The following TENM4 variants were observed in gnomAD, a reference collection of about 807,000 sequenced individuals.
The protein encoded by TENM4 is teneurin transmembrane protein 4.
Under a neutral mutation model 243.3 loss-of-function variants are expected in TENM4, and 82 were observed. The observed-to-expected ratio is 0.34, with a 90% CI of 0.28 to 0.40. The LOEUF (loss-of-function observed/expected upper bound fraction) is 0.40. Ranked by LOEUF, TENM4 falls within the 10% of genes least tolerant of loss-of-function variation. The pLI, the probability that TENM4 is intolerant of heterozygous loss-of-function variation, is 1.00. For synonymous variants in TENM4, 1,412 were observed against 1,456.3 expected, an observed-to-expected ratio of 0.97 and a Z score of 0.69; for missense variants, 3,138 against 3,673.3, an observed-to-expected ratio of 0.85 and a Z score of 3.77.
At chr11:79,211,426 T>A (rs1353400557) in intron 3 of TENM4, among the ~76,000 whole-genome samples, 1 of 152,182 alleles carries the variant, frequency 6.6e-6, no homozygotes, top group Non-Finnish European at 1.5e-5. Context: ...GCGCCAGGGA[T>A]CCCTGAGGGT....
At chr11:78,698,527 T>C (rs1859028553) in intron 28 of TENM4, among the ~76,000 whole-genome samples, 1 of 152,180 alleles carries the variant, frequency 6.6e-6, no homozygotes, top group African/African-American at 2.4e-5. Flanking sequence ...ATTTCGGTTA[T>C]AATCTACTAA....
intron 2 of TENM4, among the ~76,000 whole-genome samples, chr11:79,230,466 G>A (rs1864353558): frequency 6.6e-6 from 1 of 152,156 alleles, no homozygotes; most frequent in African/African-American, 2.4e-5. Flanking sequence ...AATTTGATAA[G>A]GCAGAAACAG....
intron 1 of TENM4, among the ~76,000 whole-genome samples, chr11:79,391,972 C>A (rs10466740): frequency 0.086 from 12,897 of 150,550 alleles, 608 homozygotes; most frequent in East Asian, 0.13. Flanking sequence ...AAAAAAAAAT[C>A]AATATATTAT....
chr11:79,308,809 C>G (rs1173988203), intron 1 of TENM4, among the ~76,000 whole-genome samples: 1 of 152,206 alleles, frequency 6.6e-6, no homozygotes, highest in Non-Finnish European at 1.5e-5. Flanking sequence ...TTTCACTTCT[C>G]TGGGCCTTAG....
At chr11:78,838,331 G>A (rs1858166605) in intron 12 of TENM4, among the ~76,000 whole-genome samples, 1 of 151,982 alleles carries the variant, frequency 6.6e-6, no homozygotes, top group Admixed American at 6.6e-5. Flanking sequence ...GGTCACTCAT[G>A]TTTACTGCAT....
intron 1 of TENM4, among the ~76,000 whole-genome samples, chr11:79,372,581 C>G (rs1461647237): frequency 6.6e-6 from 1 of 152,170 alleles, no homozygotes; most frequent in Non-Finnish European, 1.5e-5. Flanking sequence ...GGACTTGTAA[C>G]AGAATCTGGT....
At chr11:79,015,643 G>A (rs1353223942) in intron 6 of TENM4, among the ~76,000 whole-genome samples, 2 of 152,258 alleles carry the variant, frequency 1.3e-5, no homozygotes, top group Middle Eastern at 3.4e-3. Flanking sequence ...AGAGAAAGGC[G>A]AAAAACTAAT....
intron 2 of TENM4, among the ~76,000 whole-genome samples, chr11:79,223,700 C>T (rs1363908007): frequency 1.3e-5 from 2 of 152,192 alleles, no homozygotes; most frequent in Admixed American, 1.3e-4. Flanking sequence ...GTTTTTAACA[C>T]CCCACTGTCT....
chr11:79,341,510 A>G (rs1857241517), intron 1 of TENM4, among the ~76,000 whole-genome samples: 1 of 152,208 alleles, frequency 6.6e-6, no homozygotes, highest in African/African-American at 2.4e-5. Context: ...AACTTGACCC[A>G]AGAAAGTCAT....
intron 6 of TENM4, among the ~76,000 whole-genome samples, chr11:79,000,891 C>T (rs55839890): frequency 0.071 from 10,792 of 152,054 alleles, 456 homozygotes; most frequent in Admixed American, 0.14. Context: ...ATTAGCCAGG[C>T]CTGGTGGCAT....
In TENM4 at chr11:79,339,856, G is replaced by C. The variant is rs73512777; in HGVS notation, c.-320-42313C>G. ...AATCAGCCCTGTTGGGGGCACAGAG[G>C]GGACAGTGTGGGAAGCTGCCAAGCT... is the stretch of plus-strand genomic sequence containing the variant. On this transcript the variant is annotated intron_variant, in intron 1 of 33. Coordinates refer to ENST00000278550, the MANE Select transcript of TENM4 (RefSeq NM_001098816.3). 6.8e-3 allele frequency among the ~76,000 whole-genome samples: 1,031 copies of C among 152,254 alleles called. 16 individuals carry two copies. The highest frequency in any genetic ancestry group is 0.023 in the African/African-American group (950 of 41,550).
At chr11:78,905,671 AG>A (rs1856045121) in intron 6 of TENM4, among the ~76,000 whole-genome samples, 1 of 152,232 alleles carries the variant, frequency 6.6e-6, no homozygotes, top group Admixed American at 6.5e-5. Context: ...GTCCCCAGGA[AG>A]GTGACAGAAT....
chr11:78,831,002 C>T (rs1341961957), intron 12 of TENM4, among the ~76,000 whole-genome samples: 1 of 152,196 alleles, frequency 6.6e-6, no homozygotes, highest in Non-Finnish European at 1.5e-5. Flanking sequence ...ACCCATTAAA[C>T]TCATACATTA....
intron 11 of TENM4, 98 bp downstream of exon 11, chr11:78,855,866 C>CT (rs1169407994): frequency 8.4e-7 from 1 of 1,185,820 alleles, no homozygotes; most frequent in African/African-American, 1.5e-5. Context: ...ATAAATGTCC[C>CT]TTCAGGCTTA....
intron 26 of TENM4, among the ~76,000 whole-genome samples, chr11:78,711,264 C>G (rs1185031340): frequency 6.6e-6 from 1 of 152,148 alleles, no homozygotes; most frequent in Admixed American, 6.5e-5. Flanking sequence ...TATAATAGAA[C>G]AACAATAATA....
intron 3 of TENM4, among the ~76,000 whole-genome samples, chr11:79,159,147 G>A (rs965969576): frequency 6.6e-6 from 1 of 152,098 alleles, no homozygotes; most frequent in Non-Finnish European, 1.5e-5. Flanking sequence ...TAAGAGGGGG[G>A]CTCTACATGG....
At chr11:79,362,321 A>G (rs1470039042) in intron 1 of TENM4, among the ~76,000 whole-genome samples, 10 of 152,228 alleles carry the variant, frequency 6.6e-5, no homozygotes, top group Admixed American at 4.6e-4. Context: ...GGGGGAAATA[A>G]TACCTGTTCA....
chr11:79,378,305 G>T lies in TENM4; in HGVS notation c.-321+62204C>A, dbSNP rs904686765. Among the ~76,000 whole-genome samples the T allele has an allele frequency of 7.9e-5, 12 of 152,282 alleles. 1 individual carries two copies. The highest frequency in any genetic ancestry group is 3.9e-4 in the Admixed American group (6 of 15,296). The stretch of plus-strand genomic sequence containing the variant: ...GTAGGGGGCCTGGGGCCCTTCTCTG[G>T]CTCTTTATCCTGGTCCCTGCCAAGG... On this transcript the variant is annotated intron_variant, in intron 1 of 33. Transcript: ENST00000278550.
chr11:78,804,013 G>T (rs1034663429), intron 15 of TENM4, among the ~76,000 whole-genome samples: 2 of 152,110 alleles, frequency 1.3e-5, no homozygotes, highest in African/African-American at 4.8e-5. Flanking sequence ...TATCCCAAAG[G>T]CATGAATGCT....
Sources: allele counts gnomAD v4.1 joint callset (sites outside exome capture counted in the v4.1 genomes callset), GRCh38; gene constraint gnomAD v4.1.1; transcripts MANE v1.5; gene names NCBI Gene and HGNC (gene_info 2026-07-23, HGNC 2026-07-21).